Variants in GPC3 observed in about 807,000 individuals in gnomAD.
The protein encoded by GPC3 is glypican 3, also known as glypican-3.
A neutral mutation model predicts 34.4 loss-of-function variants in GPC3; 3 were observed. The ratio of observed to expected loss-of-function variants is 0.09; its 90% CI spans 0.04 to 0.23. The LOEUF (loss-of-function observed/expected upper bound fraction) is 0.23, where lower values mean the gene tolerates loss of function less well. GPC3 is among the 10% of genes least tolerant of loss of function. The probability of loss-of-function intolerance (pLI) is 1.00; values close to 1 mark genes in which losing one functional copy is unlikely to be tolerated. For synonymous variants in GPC3, 177 were observed against 174.0 expected (o/e 1.02, Z -0.13); for missense variants, 351 against 445.6 (o/e 0.79, Z 1.91).
chrX:133,821,426 T>A (rs1176106251), intron 2 of GPC3, among the ~76,000 whole-genome samples: 1 of 112,434 alleles, frequency 8.9e-6, no homozygotes, highest in African/African-American at 3.2e-5. Context: ...TTATCTATAA[T>A]TTGGGAATAC....
chrX:133,712,708 T>C (rs5977908), intron 3 of GPC3, among the ~76,000 whole-genome samples: 4,018 of 105,981 alleles, frequency 0.038, 197 homozygotes, highest in African/African-American at 0.14. Context: ...GGTGAAACCC[T>C]GTCTCTACTA....
intron 7 of GPC3, among the ~76,000 whole-genome samples, chrX:133,552,018 AAC>A (rs2069438081): frequency 8.9e-6 from 1 of 112,885 alleles, no homozygotes; most frequent in Non-Finnish European, 1.9e-5. Context: ...ACTTTCTAAT[AAC>A]ACAATCTGAA....
At chrX:133,872,033 T>C (rs745591820) in intron 2 of GPC3, among the ~76,000 whole-genome samples, 154 of 111,115 alleles carry the variant, frequency 1.4e-3, no homozygotes, top group African/African-American at 4.9e-3. Flanking sequence ...AGCCTTGAAC[T>C]CCTGGGCTCA....
At chrX:133,644,592 A>G (rs2070521861) in intron 6 of GPC3, among the ~76,000 whole-genome samples, 1 of 112,108 alleles carries the variant, frequency 8.9e-6, no homozygotes, top group African/African-American at 3.2e-5. Flanking sequence ...TATAAAAAGG[A>G]AATGAAAATT....
intron 6 of GPC3, among the ~76,000 whole-genome samples, chrX:133,620,960 T>C (rs768892669): frequency 1.8e-5 from 2 of 111,328 alleles, no homozygotes; most frequent in African/African-American, 3.3e-5. Context: ...TAAAACCAAG[T>C]TGTGGCCCAA....
intron 2 of GPC3, among the ~76,000 whole-genome samples, chrX:133,754,448 A>T (rs780287682): frequency 1.9e-4 from 21 of 112,297 alleles, no homozygotes; most frequent in Non-Finnish European, 2.6e-4. Flanking sequence ...GACAAAAGCC[A>T]AGATTCAGTT....
rs1041636867 is a variant in GPC3, at chrX:133,797,839, A to C, written c.338-43663T>G. On this transcript the variant is annotated intron_variant, in intron 2 of 7. Transcript: ENST00000370818. ...GGTGAGACTCTGCCTCAAAAAAAAA[A>C]TTAGAAAATAAAAAATAAAGTGCAT... Among the ~76,000 whole-genome samples the C allele has an allele frequency of 4.5e-5, 5 of 111,103 alleles. No individual in the cohort carries two copies. In the Admixed American group the frequency reaches 4.8e-4, roughly 11 times the overall value.
chrX:133,748,627 C>T (rs938617623), intron 3 of GPC3, among the ~76,000 whole-genome samples: 1 of 109,850 alleles, frequency 9.1e-6, no homozygotes, highest in Non-Finnish European at 1.9e-5. Flanking sequence ...TTATTTACTT[C>T]GTTTAGACTA....
intron 7 of GPC3, among the ~76,000 whole-genome samples, chrX:133,552,722 A>G (rs916612783): frequency 8.9e-6 from 1 of 112,035 alleles, no homozygotes; most frequent in Admixed American, 9.5e-5. Flanking sequence ...GCTCAATGCA[A>G]TCACACAATG....
intron 3 of GPC3, among the ~76,000 whole-genome samples, chrX:133,712,725 C>CA (rs780184204): frequency 5.2e-4 from 54 of 103,150 alleles, no homozygotes; most frequent in Admixed American, 3.1e-3. Flanking sequence ...ACTAAAAATA[C>CA]AAAAAAAAAA....
intron 7 of GPC3, among the ~76,000 whole-genome samples, chrX:133,583,216 T>G (rs1223359909): frequency 9.0e-6 from 1 of 111,006 alleles, no homozygotes; most frequent in Non-Finnish European, 1.9e-5. Context: ...TTGATTCTCT[T>G]TTGTTCTATT....
At chrX:133,918,883 G>A (rs1290293249) in intron 2 of GPC3, among the ~76,000 whole-genome samples, 1 of 112,194 alleles carries the variant, frequency 8.9e-6, no homozygotes, top group Non-Finnish European at 1.9e-5. Context: ...TATTAAAGCA[G>A]TCTTATAAAT....
At chrX:133,922,863 C>G (rs2076256257) in intron 2 of GPC3, among the ~76,000 whole-genome samples, 1 of 111,384 alleles carries the variant, frequency 9.0e-6, no homozygotes, top group Non-Finnish European at 1.9e-5. Flanking sequence ...ACCACTGCCA[C>G]CACCTCCATC....
intron 5 of GPC3, among the ~76,000 whole-genome samples, chrX:133,667,904 C>A (rs371101833): frequency 9.6e-6 from 1 of 104,275 alleles, no homozygotes; most frequent in African/African-American, 3.4e-5. Flanking sequence ...ATTTTCTTTT[C>A]TTTTTTTTTC....
chrX:133,937,267 G>A (rs759651211), intron 2 of GPC3, among the ~76,000 whole-genome samples: 2 of 110,969 alleles, frequency 1.8e-5, no homozygotes, highest in South Asian at 3.9e-4. Context: ...CCTGACACAC[G>A]CAGCACATGT....
At chrX:133,929,696 C>G (rs750207574) in intron 2 of GPC3, among the ~76,000 whole-genome samples, 2 of 112,158 alleles carry the variant, frequency 1.8e-5, no homozygotes, top group Non-Finnish European at 3.8e-5. Flanking sequence ...AAAGCCTTCT[C>G]ATAAGAAACA....
chrX:133,846,720 A>T (rs1182306014), intron 2 of GPC3, among the ~76,000 whole-genome samples: 1 of 111,998 alleles, frequency 8.9e-6, no homozygotes, highest in African/African-American at 3.2e-5. Flanking sequence ...TCTAACTGCC[A>T]CCAGAATAGC....
rs781381952 is a variant in GPC3, at chrX:133,695,753, A to G, written c.1167-3259T>C. Among the ~76,000 whole-genome samples the G allele has an allele frequency of 1.2e-4, 13 of 112,567 alleles. No homozygotes were observed. In the South Asian group the frequency reaches 4.8e-3, roughly 42 times the overall value. On this transcript the variant is annotated intron_variant, in intron 4 of 7. Coordinates refer to ENST00000370818, the MANE Select transcript of GPC3 (RefSeq NM_004484.4). Reference sequence around the variant, plus strand: ...TAAAAGAAATATATGTTCACTATGGAGAATTTAGAAAATAAAGAAAGATAG... The same window carrying G: ...TAAAAGAAATATATGTTCACTATGGGGAATTTAGAAAATAAAGAAAGATAG...
chrX:133,893,252 C>A (rs759731395), intron 2 of GPC3, among the ~76,000 whole-genome samples: 1 of 110,988 alleles, frequency 9.0e-6, no homozygotes, highest in East Asian at 2.8e-4. Context: ...AGCAAAACTC[C>A]GTTTCAAAAA....
Sources: gnomAD v4.1 joint callset for allele counts (sites outside exome capture counted in the v4.1 genomes callset) on GRCh38, gnomAD v4.1.1 for gene constraint, MANE v1.5 for transcripts, NCBI Gene and HGNC (gene_info 2026-07-23, HGNC 2026-07-21) for gene names.